The following CRPPA variants were observed in gnomAD, a reference collection of about 807,000 sequenced individuals.
CRPPA encodes the protein D-ribitol-5-phosphate cytidylyltransferase.
CRPPA carries 43 observed loss-of-function variants against 52.0 expected under a neutral mutation model. The observed-to-expected ratio is 0.83, with a 90% CI of 0.65 to 1.07. CRPPA has a LOEUF of 1.07. CRPPA is among the 50% of genes least tolerant of loss of function. The pLI is 0.00. For missense variants in CRPPA, 629 were observed against 551.7 expected (o/e 1.14, Z -1.40); for synonymous variants, 250 against 203.5 (o/e 1.23, Z -1.94).
intron 9 of CRPPA, among the ~76,000 whole-genome samples, chr7:16,215,816 G>C (rs990229067): frequency 6.6e-6 from 1 of 152,092 alleles, no homozygotes. Context: ...TGATAAACCT[G>C]ACAGTTCTAT....
At chr7:16,183,820 C>A (rs757157549) in intron 9 of CRPPA, among the ~76,000 whole-genome samples, 1 of 152,020 alleles carries the variant, frequency 6.6e-6, no homozygotes, top group African/African-American at 2.4e-5. Flanking sequence ...TGGTCTTTTC[C>A]CTGAAAAGGT....
chr7:16,310,247 G>T (rs1203225590), intron 3 of CRPPA, among the ~76,000 whole-genome samples: 1 of 151,828 alleles, frequency 6.6e-6, no homozygotes, highest in African/African-American at 2.4e-5. Flanking sequence ...CCTAGACTTG[G>T]CCCCCCGAAA....
intron 8 of CRPPA, among the ~76,000 whole-genome samples, chr7:16,218,988 C>G (rs1398450382): frequency 4.6e-5 from 7 of 152,194 alleles, no homozygotes; most frequent in Non-Finnish European, 2.9e-5. Flanking sequence ...ACAGAATATA[C>G]ATTTTTTTCA....
chr7:16,153,080 C>T (rs1783107812), intron 9 of CRPPA, among the ~76,000 whole-genome samples: 1 of 151,930 alleles, frequency 6.6e-6, no homozygotes, highest in Non-Finnish European at 1.5e-5. Flanking sequence ...GGCAAAGAAC[C>T]ATGTTGCTCA....
chr7:16,341,526 A>C (rs1043457581), intron 3 of CRPPA, among the ~76,000 whole-genome samples: 11 of 152,218 alleles, frequency 7.2e-5, no homozygotes, highest in African/African-American at 2.7e-4. Flanking sequence ...AGTGAATAAA[A>C]TTACCTACAA....
At chr7:16,254,827 AAG>A (rs1262284868) in intron 8 of CRPPA, among the ~76,000 whole-genome samples, 1 of 148,732 alleles carries the variant, frequency 6.7e-6, no homozygotes, top group Non-Finnish European at 1.5e-5. Flanking sequence ...GAAAGAAAGA[AAG>A]AAAGAAAGAA....
intron 8 of CRPPA, among the ~76,000 whole-genome samples, chr7:16,247,262 T>C (rs763325530): frequency 7.2e-5 from 11 of 152,224 alleles, no homozygotes; most frequent in Non-Finnish European, 1.6e-4. Context: ...AATTAGGGCC[T>C]TCCTCTAAAT....
chr7:16,365,766 T>A (rs931559426), intron 3 of CRPPA, among the ~76,000 whole-genome samples: 1 of 152,150 alleles, frequency 6.6e-6, no homozygotes, highest in African/African-American at 2.4e-5. Context: ...CAACTCAAGA[T>A]TTGGCCACAA....
chr7:16,283,325 TTA>T (rs1300215878), intron 5 of CRPPA, among the ~76,000 whole-genome samples: 6 of 150,646 alleles, frequency 4.0e-5, no homozygotes, highest in Admixed American at 2.7e-4. Context: ...TATATGTATT[TTA>T]TATGTTATGA....
chr7:16,118,331 C>T (rs1370107629), intron 9 of CRPPA, among the ~76,000 whole-genome samples: 3 of 152,176 alleles, frequency 2.0e-5, no homozygotes, highest in Middle Eastern at 3.2e-3. Flanking sequence ...ACCAAGAACA[C>T]ATCTTACTTG....
At chr7:16,371,115 G>A (rs1458929619) in intron 3 of CRPPA, among the ~76,000 whole-genome samples, 1 of 152,120 alleles carries the variant, frequency 6.6e-6, no homozygotes, top group Non-Finnish European at 1.5e-5. Flanking sequence ...TAAATCTTCA[G>A]CATGTCTAAT....
chr7:16,135,403 T>C (rs1302687677), intron 9 of CRPPA, among the ~76,000 whole-genome samples: 1 of 152,178 alleles, frequency 6.6e-6, no homozygotes, highest in Non-Finnish European at 1.5e-5. Flanking sequence ...TTAAGTGTTT[T>C]TTTGTGAAAG....
At chr7:16,294,933 A>C (rs940707880) in intron 5 of CRPPA, among the ~76,000 whole-genome samples, 1 of 152,088 alleles carries the variant, frequency 6.6e-6, no homozygotes, top group Non-Finnish European at 1.5e-5. Context: ...CTTGCACTTC[A>C]AATGCCATAA....
chr7:16,220,292 T>C (rs1166627667), intron 8 of CRPPA, among the ~76,000 whole-genome samples: 8 of 77,790 alleles, frequency 1.0e-4, no homozygotes, highest in South Asian at 5.5e-4. Flanking sequence ...TGGGACGTAT[T>C]TCAAAATAAT....
At chr7:16,401,625 C>CA (rs1018197304) in intron 2 of CRPPA, among the ~76,000 whole-genome samples, 8 of 152,290 alleles carry the variant, frequency 5.3e-5, no homozygotes, top group Admixed American at 4.6e-4. Flanking sequence ...TTCTTAGAGT[C>CA]AATGTAATAT....
rs187583156 is a variant in CRPPA, at chr7:16,335,751, A to G, written c.685-27124T>C. On this transcript the variant is annotated intron_variant, in intron 3 of 9. Transcript: ENST00000407010. Reference sequence around the variant, plus strand: ...GTTGAAAATTCCCAAATCTGGGGAAAGACAACAACCATATACAGGAAGCTC... The same window carrying G: ...GTTGAAAATTCCCAAATCTGGGGAAGGACAACAACCATATACAGGAAGCTC... 9.6e-4 allele frequency among the ~76,000 whole-genome samples: 146 copies of G among 152,334 alleles called. 1 individual carries two copies. The highest frequency in any genetic ancestry group is 3.4e-3 in the African/African-American group (142 of 41,574).
intron 9 of CRPPA, among the ~76,000 whole-genome samples, chr7:16,192,093 T>C (rs1781626670): frequency 6.6e-6 from 1 of 152,048 alleles, no homozygotes. Flanking sequence ...TCAGAGTGGT[T>C]CAAAAAACAA....
intron 2 of CRPPA, among the ~76,000 whole-genome samples, chr7:16,403,782 T>C (rs944513300): frequency 1.3e-5 from 2 of 152,166 alleles, no homozygotes; most frequent in African/African-American, 4.8e-5. Flanking sequence ...CCAAAAAGGT[T>C]ACAGGATGTC....
chr7:16,258,878 G>A, intron 7 of CRPPA, 42 bp downstream of exon 7: 2 of 1,236,708 alleles, frequency 1.6e-6, no homozygotes, highest in African/African-American at 1.5e-5. Flanking sequence ...TTCCACATTT[G>A]TTCATATCCT....
Sources: allele counts gnomAD v4.1 joint callset (sites outside exome capture counted in the v4.1 genomes callset), GRCh38; gene constraint gnomAD v4.1.1; transcripts MANE v1.5; gene names NCBI Gene and HGNC (gene_info 2026-07-23, HGNC 2026-07-21).